The following MAP4K5 variants were observed in gnomAD, a reference collection of about 807,000 sequenced individuals.
The protein encoded by MAP4K5 is mitogen-activated protein kinase kinase kinase kinase 5.
In MAP4K5, 82 loss-of-function variants were observed where a neutral mutation model predicts 135.6. The ratio of observed to expected loss-of-function variants is 0.60; its 90% CI spans 0.51 to 0.73. The LOEUF (loss-of-function observed/expected upper bound fraction) is 0.73, where lower values mean the gene tolerates loss of function less well. Ranked by LOEUF, MAP4K5 falls within the 30% of genes least tolerant of loss-of-function variation. MAP4K5 has a pLI of 0.00. For synonymous variants in MAP4K5, 347 were observed against 335.0 expected (o/e 1.04, Z -0.39); for missense variants, 907 against 1,010.9 (o/e 0.90, Z 1.39).
chr14:50,552,973 T>G (rs1313762883), intron 1 of MAP4K5, among the ~76,000 whole-genome samples: 2 of 152,078 alleles, frequency 1.3e-5, no homozygotes, highest in East Asian at 3.9e-4. Flanking sequence ...TGACTAAGAA[T>G]CCGAAAGCAA....
chr14:50,422,138 T>A (rs2035748622), intron 32 of MAP4K5, among the ~76,000 whole-genome samples: 1 of 152,160 alleles, frequency 6.6e-6, no homozygotes, highest in Non-Finnish European at 1.5e-5. Flanking sequence ...TCAGCCACTG[T>A]GCCCGGCCCA....
intron 28 of MAP4K5, among the ~76,000 whole-genome samples, chr14:50,429,611 A>ATTTATT (rs1419056747): frequency 1.3e-5 from 2 of 152,230 alleles, no homozygotes; most frequent in Non-Finnish European, 2.9e-5. Context: ...TCTGCATTTT[A>ATTTATT]TATAGCCAAT....
At chr14:50,438,854 C>T (rs1222358795) in intron 23 of MAP4K5, among the ~76,000 whole-genome samples, 1 of 152,032 alleles carries the variant, frequency 6.6e-6, no homozygotes, top group Non-Finnish European at 1.5e-5. Flanking sequence ...ATGTACATGC[C>T]TCCTATTGGG....
intron 30 of MAP4K5, among the ~76,000 whole-genome samples, chr14:50,426,847 A>G (rs572353956): frequency 6.6e-6 from 1 of 152,360 alleles, no homozygotes; most frequent in East Asian, 1.9e-4. Context: ...GTATTTAACC[A>G]TTACAAGTAA....
chr14:50,432,488 G>T (rs2035992070), intron 28 of MAP4K5, among the ~76,000 whole-genome samples: 1 of 147,024 alleles, frequency 6.8e-6, no homozygotes, highest in South Asian at 2.1e-4. Flanking sequence ...TTTTAGCCAA[G>T]ACAATGTTAA....
chr14:50,541,426 G>A (rs765541638), intron 2 of MAP4K5, among the ~76,000 whole-genome samples: 1 of 152,198 alleles, frequency 6.6e-6, no homozygotes, highest in Non-Finnish European at 1.5e-5. Context: ...TTTCTAACAA[G>A]GAAGTAGTGC....
At chr14:50,494,200 G>A (rs71420186) in intron 3 of MAP4K5, among the ~76,000 whole-genome samples, 6,602 of 150,888 alleles carry the variant, frequency 0.044, 217 homozygotes, top group Non-Finnish European at 0.066. Flanking sequence ...ACAGAGTCTC[G>A]CCTGTCACCC....
chr14:50,504,225 C>CAAAT (rs1189672533), intron 3 of MAP4K5, among the ~76,000 whole-genome samples: 1 of 152,026 alleles, frequency 6.6e-6, no homozygotes, highest in Non-Finnish European at 1.5e-5. Flanking sequence ...AACATACCAC[C>CAAAT]AAATATTCGC....
intron 1 of MAP4K5, among the ~76,000 whole-genome samples, chr14:50,545,568 T>C (rs2038620999): frequency 1.3e-5 from 2 of 152,138 alleles, no homozygotes; most frequent in Admixed American, 1.3e-4. Flanking sequence ...GGACCTAAGA[T>C]GTTAAAGTAC....
chr14:50,503,624 T>G (rs1023252638), intron 3 of MAP4K5, among the ~76,000 whole-genome samples: 1 of 152,026 alleles, frequency 6.6e-6, no homozygotes, highest in Non-Finnish European at 1.5e-5. Flanking sequence ...TGGCAAAAAC[T>G]GCTATAATAT....
chr14:50,532,018 A>T lies in MAP4K5; in HGVS notation c.32T>A (p.Ile11Asn), dbSNP rs1354885182. MEAPLRPAAD[I>N]LRRNPQQDYE... Reference sequence around the variant, plus strand: ...GTCCTGCTGCGGGTTCCGCCTCAGGATGTCCGCGGCAGGCCGCAGCGGGGC... The same window carrying T: ...GTCCTGCTGCGGGTTCCGCCTCAGGTTGTCCGCGGCAGGCCGCAGCGGGGC... Residue 11 changes from isoleucine to asparagine, a missense_variant, in exon 2 of 33, where the codon ATC (isoleucine) becomes AAC (asparagine). Around this residue, in one of 3 missense-constraint regions of MAP4K5, gnomAD observed 196 missense variants for 189.3 expected, o/e 1.04. Transcript: ENST00000682126. 1 of 1,591,230 alleles carries T rather than the reference A, an allele frequency of 6.3e-7. No homozygotes were observed. Among genetic ancestry groups the T allele is most frequent in the Admixed American group, 1.7e-5 (1 of 57,894 alleles).
At chr14:50,553,035 C>A (rs1177311753) in intron 1 of MAP4K5, among the ~76,000 whole-genome samples, 1 of 152,132 alleles carries the variant, frequency 6.6e-6, no homozygotes, top group Admixed American at 6.5e-5. Flanking sequence ...TGGCTCACGC[C>A]TGTAATCTCA....
At chr14:50,527,605 C>T (rs954225763) in intron 2 of MAP4K5, among the ~76,000 whole-genome samples, 4 of 152,008 alleles carry the variant, frequency 2.6e-5, no homozygotes, top group South Asian at 2.1e-4. Context: ...ATTAGCAGTA[C>T]CTATCTCTGA....
rs373482181 is a variant in MAP4K5 at position 50,516,189 on chromosome 14, C to T, written c.109-11332G>A. Among the ~76,000 whole-genome samples, 209 of 152,320 alleles carry T rather than the reference C, an allele frequency of 1.4e-3. 7 individuals carry two copies. The South Asian group carries it at 0.041, about 30-fold the overall frequency. ...CTTGTCTCCATTAGGAACTGGTAAA[C>T]TATCTGTGAAACATAAAGAAATAGC... On this transcript the variant is annotated intron_variant, in intron 2 of 32. Coordinates refer to ENST00000682126, the MANE Select transcript of MAP4K5 (RefSeq NM_006575.6).
At chr14:50,508,521 A>G (rs942713840) in intron 2 of MAP4K5, among the ~76,000 whole-genome samples, 1 of 151,864 alleles carries the variant, frequency 6.6e-6, no homozygotes, top group African/African-American at 2.4e-5. Context: ...AACAATGAGA[A>G]CACTTGGACA....
chr14:50,515,213 T>C (rs1431400891), intron 2 of MAP4K5, among the ~76,000 whole-genome samples: 3 of 152,202 alleles, frequency 2.0e-5, no homozygotes, highest in Admixed American at 2.0e-4. Context: ...GTCATCCTTA[T>C]TCTTTTAAGA....
chr14:50,468,920 TA>T, intron 9 of MAP4K5, 138 bp from the exon 10 acceptor site: 1 of 675,934 alleles, frequency 1.5e-6, no homozygotes, highest in Non-Finnish European at 2.5e-6. Flanking sequence ...CATTACTAAG[TA>T]AAGGCTTAAA....
rs181031521 is a variant in MAP4K5, at chr14:50,484,251, G to C, written c.322+1327C>G. 1.3e-3 allele frequency among the ~76,000 whole-genome samples: 193 copies of C among 152,276 alleles called. 1 individual carries two copies. The highest frequency in any genetic ancestry group is 4.4e-3 in the African/African-American group (183 of 41,552). On this transcript the variant is annotated intron_variant, in intron 5 of 32. Coordinates refer to ENST00000682126, the MANE Select transcript of MAP4K5 (RefSeq NM_006575.6). ...ATTTGTGTATTTGTAACATTTATGT[G>C]ATGTTAAAACATTTTTGTTAATAAA...
At chr14:50,441,181 GCTAAA>G (rs1371117126) in intron 21 of MAP4K5, among the ~76,000 whole-genome samples, 1 of 152,152 alleles carries the variant, frequency 6.6e-6, no homozygotes, top group Non-Finnish European at 1.5e-5. Context: ...GTCAATGGAT[GCTAAA>G]CTGAGTGAGT....
Sources: gnomAD v4.1 joint callset for allele counts (sites outside exome capture counted in the v4.1 genomes callset) on GRCh38, gnomAD v4.1.1 for gene constraint, gnomAD v4.1.1 regional missense constraint, MANE v1.5 for transcripts, NCBI Gene and HGNC (gene_info 2026-07-23, HGNC 2026-07-21) for gene names.